The following CTNNA2 variants were observed in gnomAD, a reference collection of about 807,000 sequenced individuals.
CTNNA2 encodes the protein catenin alpha-2.
CTNNA2 carries 42 observed loss-of-function variants against 101.0 expected under a neutral mutation model. The ratio of observed to expected loss-of-function variants is 0.42; its 90% CI spans 0.32 to 0.54. CTNNA2 has a LOEUF of 0.54. Among genes scored for constraint, CTNNA2 ranks in the 20% least tolerant of loss-of-function variants. CTNNA2 has a pLI of 0.14. For synonymous variants in CTNNA2, 450 were observed against 456.4 expected, an observed-to-expected ratio of 0.99 and a Z score of 0.18; for missense variants, 871 against 1,223.1, an observed-to-expected ratio of 0.71 and a Z score of 4.29.
At chr2:79,306,804 T>C (rs919294517) in intron 2 of CTNNA2, among the ~76,000 whole-genome samples, 3 of 152,252 alleles carry the variant, frequency 2.0e-5, no homozygotes, top group Non-Finnish European at 4.4e-5. Flanking sequence ...CTTTAATTTT[T>C]GCCAGGCAAA....
At chr2:79,870,848 T>C (rs548523142) in intron 5 of CTNNA2, among the ~76,000 whole-genome samples, 1 of 152,148 alleles carries the variant, frequency 6.6e-6, no homozygotes, top group East Asian at 1.9e-4. Context: ...TCCAGTCACC[T>C]CCCTTCCTCG....
rs545484662 is a variant in CTNNA2, at chr2:80,424,155, T to C, written c.1290+4554T>C. ...ATTTTTAGTAGAGACGGGGTTTCAC[T>C]ATGTTGGCCAGGCTGGTCTCAAACT... On this transcript the variant is annotated intron_variant, in intron 9 of 18. Coordinates refer to ENST00000402739, the MANE Select transcript of CTNNA2 (RefSeq NM_001282597.3). 1.2e-3 allele frequency among the ~76,000 whole-genome samples: 183 copies of C among 152,120 alleles called. 1 individual carries two copies. Among genetic ancestry groups the C allele is most frequent in the African/African-American group, 2.2e-3 (93 of 41,522 alleles).
chr2:79,237,273 T>C (rs1674569084), intron 2 of CTNNA2, among the ~76,000 whole-genome samples: 1 of 152,186 alleles, frequency 6.6e-6, no homozygotes, highest in Non-Finnish European at 1.5e-5. Flanking sequence ...TACAGTAATA[T>C]TTTGAAAGGA....
intron 16 of CTNNA2, chr2:80,605,748 C>T (rs928808208): frequency 6.6e-6 from 1 of 152,000 alleles, no homozygotes; most frequent in Admixed American, 6.6e-5. Flanking sequence ...AACGAATTCT[C>T]ATTTTAATTT....
intron 16 of CTNNA2, among the ~76,000 whole-genome samples, chr2:80,606,615 G>T (rs955898415): frequency 6.6e-6 from 1 of 151,836 alleles, no homozygotes; most frequent in Non-Finnish European, 1.5e-5. Context: ...CTATTTCCAT[G>T]ATTTAGGAGT....
intron 7 of CTNNA2, among the ~76,000 whole-genome samples, chr2:80,262,945 A>G (rs1166844987): frequency 3.7e-5 from 3 of 80,204 alleles, no homozygotes; most frequent in Non-Finnish European, 1.1e-4. Context: ...AATATTGACA[A>G]AAATAATAAA....
intron 7 of CTNNA2, among the ~76,000 whole-genome samples, chr2:80,344,041 A>C (rs1672481569): frequency 6.6e-6 from 1 of 152,054 alleles, no homozygotes; most frequent in Admixed American, 6.6e-5. Flanking sequence ...GGCTTTTAGC[A>C]CCTGCACTCT....
chr2:79,974,488 T>C (rs534554190), intron 7 of CTNNA2, among the ~76,000 whole-genome samples: 1 of 152,344 alleles, frequency 6.6e-6, no homozygotes, highest in African/African-American at 2.4e-5. Context: ...TTCCTGTCTC[T>C]AACCAAGTCT....
chr2:79,982,826 A>G (rs368104617), intron 7 of CTNNA2, among the ~76,000 whole-genome samples: 4 of 152,102 alleles, frequency 2.6e-5, no homozygotes, highest in South Asian at 2.1e-4. Context: ...TTATTGATAC[A>G]TATGTAAACT....
chr2:79,394,869 C>T (rs898145289), intron 4 of CTNNA2, among the ~76,000 whole-genome samples: 7 of 152,128 alleles, frequency 4.6e-5, no homozygotes, highest in African/African-American at 1.7e-4. Context: ...ATACCCCAGT[C>T]CAAATAGACA....
At chr2:80,604,020 G>A in intron 15 of CTNNA2, 54 bp from the exon 16 acceptor site, 2 of 1,476,028 alleles carry the variant, frequency 1.4e-6, no homozygotes, top group Non-Finnish European at 1.9e-6. Context: ...TGGTAGGTTG[G>A]TCTCTTTCCC....
chr2:79,273,852 C>T (rs903963152), intron 2 of CTNNA2, among the ~76,000 whole-genome samples: 1 of 151,602 alleles, frequency 6.6e-6, no homozygotes, highest in Non-Finnish European at 1.5e-5. Flanking sequence ...GGAGAAAGGG[C>T]TGACCGCCCC....
intron 6 of CTNNA2, among the ~76,000 whole-genome samples, chr2:79,889,329 TC>T (rs1198760080): frequency 6.6e-6 from 1 of 152,218 alleles, no homozygotes; most frequent in Non-Finnish European, 1.5e-5. Flanking sequence ...ATTCTTTATT[TC>T]CCCAAATGTT....
chr2:79,833,772 G>A (rs1212841857), intron 3 of CTNNA2, among the ~76,000 whole-genome samples: 1 of 152,154 alleles, frequency 6.6e-6, no homozygotes, highest in Non-Finnish European at 1.5e-5. Context: ...GTCTTGCCAT[G>A]AAGAATCCTT....
In CTNNA2 at chr2:80,648,762, T is replaced by TAAAC. The variant is rs1383416134; in HGVS notation, c.*892_*895dup. 3.3e-5 allele frequency: 5 copies of TAAAC among 152,090 alleles called. No homozygotes were observed. Among genetic ancestry groups the TAAAC allele is most frequent in the Non-Finnish European group, 5.9e-5 (4 of 67,992 alleles). 9.4% of individuals were successfully genotyped at this position (152,090 alleles called of 1,614,324 possible). The stretch of plus-strand genomic sequence containing the variant: ...ATTGTATTCACTAACTAACTCAAAA[T>TAAAC]AAACACATTTAATCTTGACATCTCA... On this transcript the variant is annotated 3_prime_UTR_variant, in exon 19 of 19. Coordinates refer to ENST00000402739, the MANE Select transcript of CTNNA2 (RefSeq NM_001282597.3).
upstream of CTNNA2, among the ~76,000 whole-genome samples, chr2:79,509,618 T>C (rs13409244): frequency 0.013 from 2,017 of 152,222 alleles, 93 homozygotes; most frequent in East Asian, 0.14. Context: ...AAGAGAAGAA[T>C]AGACAGAACA....
chr2:80,232,385 T>TAACAC (rs1709305331), intron 7 of CTNNA2, among the ~76,000 whole-genome samples: 1 of 92,094 alleles, frequency 1.1e-5, no homozygotes, highest in African/African-American at 3.4e-5. Flanking sequence ...TTTTTTTTTT[T>TAACAC]TTTGTTAACA....
chr2:79,644,733 C>T (rs1680687013), intron 1 of CTNNA2, among the ~76,000 whole-genome samples: 1 of 152,176 alleles, frequency 6.6e-6, no homozygotes, highest in Non-Finnish European at 1.5e-5. Flanking sequence ...ATTAGAACAC[C>T]TGCTGTTGGT....
intron 2 of CTNNA2, among the ~76,000 whole-genome samples, chr2:79,684,162 T>A (rs1486051879): frequency 6.6e-6 from 1 of 152,078 alleles, no homozygotes; most frequent in Admixed American, 6.5e-5. Flanking sequence ...TGAGTAGGGG[T>A]ACCTTAGAAT....
Sources: allele counts gnomAD v4.1 joint callset (sites outside exome capture counted in the v4.1 genomes callset), GRCh38; gene constraint gnomAD v4.1.1; transcripts MANE v1.5; gene names NCBI Gene and HGNC (gene_info 2026-07-23, HGNC 2026-07-21).